Variants in KRABD5 observed in about 807,000 individuals in gnomAD.
KRABD5 encodes KRAB domain-containing protein 5.
the KRABD5 span, among the ~76,000 whole-genome samples, chr16:31,741,979 G>T: frequency 6.6e-6 from 1 of 151,898 alleles, no homozygotes; most frequent in Non-Finnish European, 1.5e-5. Context: ...TGAAATGTAG[G>T]CGTCTATGTT....
At chr16:31,746,913 T>A in the KRABD5 span, among the ~76,000 whole-genome samples, 1 of 152,094 alleles carries the variant, frequency 6.6e-6, no homozygotes, top group Non-Finnish European at 1.5e-5. Flanking sequence ...CGTTTGGCCA[T>A]TGATACTTGT....
the KRABD5 span, among the ~76,000 whole-genome samples, chr16:31,752,229 C>T: frequency 1.3e-5 from 2 of 152,046 alleles, no homozygotes. Context: ...TGTATGTGTT[C>T]TGTGGTTGAT....
At chr16:31,742,193 C>CAAAAA in the KRABD5 span, among the ~76,000 whole-genome samples, 2 of 145,936 alleles carry the variant, frequency 1.4e-5, no homozygotes, top group Non-Finnish European at 3.0e-5. Context: ...TTTATTTCCT[C>CAAAAA]AAAAAAAAAA....
chr16:31,720,793 C>G, the KRABD5 span, among the ~76,000 whole-genome samples: 1 of 152,148 alleles, frequency 6.6e-6, no homozygotes, highest in Non-Finnish European at 1.5e-5. Context: ...CTGAGTGATG[C>G]ATGTAAACCA....
chr16:31,746,452 T>C, the KRABD5 span, among the ~76,000 whole-genome samples: 3 of 152,224 alleles, frequency 2.0e-5, no homozygotes, highest in Admixed American at 6.5e-5. Context: ...CCCCAGTCTC[T>C]TCTGACTTAC....
At chr16:31,729,015 A>G in the KRABD5 span, among the ~76,000 whole-genome samples, 1 of 152,144 alleles carries the variant, frequency 6.6e-6, no homozygotes, top group African/African-American at 2.4e-5. Flanking sequence ...TAACCTCTCT[A>G]TTATTATATA....
chr16:31,756,061 C>A, the KRABD5 span: 1 of 155,678 alleles, frequency 6.4e-6, no homozygotes, highest in East Asian at 1.9e-4. Flanking sequence ...TAAAGCAAAT[C>A]ATAATTTAAT....
the KRABD5 span, among the ~76,000 whole-genome samples, chr16:31,713,659 C>T: frequency 6.6e-6 from 1 of 152,208 alleles, no homozygotes; most frequent in African/African-American, 2.4e-5. Flanking sequence ...TGGCCGGAGC[C>T]GTCTTTGGGT....
the KRABD5 span, among the ~76,000 whole-genome samples, chr16:31,724,314 G>A: frequency 6.6e-6 from 1 of 151,662 alleles, no homozygotes; most frequent in Non-Finnish European, 1.5e-5. Context: ...TATACATTGT[G>A]TATTGATTAA....
At chr16:31,714,432 A>T in the KRABD5 span, 1 of 456,034 alleles carries the variant, frequency 2.2e-6, no homozygotes, top group South Asian at 1.5e-5. Flanking sequence ...GATTGGCAGC[A>T]CTCCCCAGAA....
chr16:31,718,640 C>T, the KRABD5 span, among the ~76,000 whole-genome samples: 1 of 152,188 alleles, frequency 6.6e-6, no homozygotes, highest in African/African-American at 2.4e-5. Context: ...GTAGGGTAAT[C>T]TTGTCCTTTC....
At chr16:31,728,031 T>C in the KRABD5 span, among the ~76,000 whole-genome samples, 1 of 152,140 alleles carries the variant, frequency 6.6e-6, no homozygotes, top group African/African-American at 2.4e-5. Flanking sequence ...AATTTTTGTA[T>C]TTTTTAGAGA....
the KRABD5 span, among the ~76,000 whole-genome samples, chr16:31,736,395 T>C: frequency 7.1e-6 from 1 of 140,820 alleles, no homozygotes; most frequent in Admixed American, 7.2e-5. Flanking sequence ...ATTTTGTGGT[T>C]CCATGTACAT....
chr16:31,725,834 CTGAGTTGTG>C, the KRABD5 span, among the ~76,000 whole-genome samples: 1 of 152,226 alleles, frequency 6.6e-6, no homozygotes, highest in Admixed American at 6.5e-5. Context: ...TTACTGGCAA[CTGAGTTGTG>C]TGAGATTCTT....
the KRABD5 span, among the ~76,000 whole-genome samples, chr16:31,738,474 A>G: frequency 5.9e-5 from 9 of 152,248 alleles, no homozygotes; most frequent in South Asian, 1.2e-3. Context: ...CTCTTGTAAC[A>G]TGTTTTGATG....
the KRABD5 span, among the ~76,000 whole-genome samples, chr16:31,743,554 G>A: frequency 2.0e-5 from 3 of 152,118 alleles, no homozygotes; most frequent in South Asian, 2.1e-4. Flanking sequence ...GTCAGGTAGC[G>A]TGATGCCTCC....
the KRABD5 span, among the ~76,000 whole-genome samples, chr16:31,719,216 G>T: frequency 6.6e-6 from 1 of 152,332 alleles, no homozygotes; most frequent in Non-Finnish European, 1.5e-5. Flanking sequence ...ACTTGGGCTT[G>T]ATTTGGGACA....
chr16:31,754,542 A>C, the KRABD5 span: 1 of 556,342 alleles, frequency 1.8e-6, no homozygotes, highest in Non-Finnish European at 3.4e-6. Flanking sequence ...CTACATAACC[A>C]TTGCAAACGT....
the KRABD5 span, among the ~76,000 whole-genome samples, chr16:31,714,916 G>A: frequency 6.6e-6 from 1 of 152,206 alleles, no homozygotes; most frequent in Non-Finnish European, 1.5e-5. Flanking sequence ...TAGGTAAGAA[G>A]TGCCTTAATT....
Sources: gnomAD v4.1 joint callset for allele counts (sites outside exome capture counted in the v4.1 genomes callset) on GRCh38, gnomAD v4.1.1 for gene constraint, MANE v1.5 for transcripts, NCBI Gene and HGNC (gene_info 2026-07-23, HGNC 2026-07-21) for gene names.